The following MTX2 variants were observed in gnomAD, a reference collection of about 807,000 sequenced individuals.
MTX2 encodes metaxin-2.
MTX2 carries 35 observed loss-of-function variants against 42.3 expected under a neutral mutation model. The ratio of observed to expected loss-of-function variants is 0.83; its 90% CI spans 0.63 to 1.10. MTX2 has a LOEUF of 1.10. Ranked by LOEUF, MTX2 falls within the 50% of genes least tolerant of loss-of-function variation. The pLI is 0.00. For missense variants in MTX2, 307 were observed against 304.1 expected (o/e 1.01, Z -0.07); for synonymous variants, 119 against 100.9 (o/e 1.18, Z -1.08).
chr2:176,329,509 A>AAC (rs1553475526), intron 8 of MTX2, 83 bp downstream of exon 8: 1 of 1,286,836 alleles, frequency 7.8e-7, no homozygotes, highest in Non-Finnish European at 1.0e-6. Context: ...CCTTTAAAAA[A>AAC]ATATATATAA....
intron 3 of MTX2, among the ~76,000 whole-genome samples, chr2:176,316,055 G>C (rs1025574758): frequency 9.2e-5 from 14 of 152,272 alleles, no homozygotes; most frequent in African/African-American, 3.4e-4. Context: ...GCTTGTCCCA[G>C]TAGCTAGGAC....
chr2:176,334,241 G>T (rs1163569629), intron 9 of MTX2, among the ~76,000 whole-genome samples: 2 of 151,674 alleles, frequency 1.3e-5, no homozygotes, highest in Admixed American at 6.6e-5. Context: ...ATTAATAAAG[G>T]GTGCCCATCT....
In MTX2 at chr2:176,313,388, C is replaced by CTTTTTTTTTTT. The variant is rs1207416607; in HGVS notation, c.136-9993_136-9983dup. Among the ~76,000 whole-genome samples, 22 of 103,492 alleles carry CTTTTTTTTTTT rather than the reference C, an allele frequency of 2.1e-4. 1 individual carries two copies. The highest frequency in any genetic ancestry group is 7.9e-4 in the African/African-American group (20 of 25,362). The allele number at this position is 103,492 out of a possible 152,430, so 67.9% of individuals were successfully genotyped here. On this transcript the variant is annotated intron_variant, in intron 3 of 9. Transcript: ENST00000249442. The stretch of plus-strand genomic sequence containing the variant: ...AACTTCTTATTGTTCTACACTGATT[C>CTTTTTTTTTTT]TTTTTTTTTTTTTTTTTTTTTGGAG...
chr2:176,273,741 T>TC (rs1000689957), intron 1 of MTX2, among the ~76,000 whole-genome samples: 26 of 152,202 alleles, frequency 1.7e-4, no homozygotes, highest in Non-Finnish European at 1.3e-4. Context: ...ACTTATTCTG[T>TC]CCATTTCTAC....
chr2:176,292,383 C>T (rs1693349226), intron 1 of MTX2, among the ~76,000 whole-genome samples: 1 of 152,004 alleles, frequency 6.6e-6, no homozygotes, highest in South Asian at 2.1e-4. Flanking sequence ...TTTAAAATGC[C>T]ACAGATTTTT....
Position 176,329,347 on chromosome 2 carries a change from A to G in MTX2, c.464A>G (p.His155Arg), listed in dbSNP as rs1558944812. ...TCTCCTTACCCTTGGCCTCTGAATC[A>G]TATTTTGGCCTATCAAAAACAGTGG... ...YGSPYPWPLN[H>R]ILAYQKQWEV... Residue 155 changes from histidine (H) to arginine (R), a missense_variant, in exon 8 of 10, where the codon CAT becomes CGT. By Grantham distance (29) the His-to-Arg change is conservative. Transcript: ENST00000249442. 4 of 1,608,074 alleles carry G rather than the reference A, an allele frequency of 2.5e-6. No individual in the cohort carries two copies. The highest frequency in any genetic ancestry group is 2.2e-5 in the East Asian group (1 of 44,644).
intron 1 of MTX2, among the ~76,000 whole-genome samples, chr2:176,275,951 C>G (rs548348442): frequency 3.8e-4 from 58 of 152,316 alleles, no homozygotes; most frequent in African/African-American, 1.3e-3. Context: ...TTTACACTTT[C>G]TATGGATTTT....
intron 3 of MTX2, among the ~76,000 whole-genome samples, chr2:176,314,221 A>AG: frequency 1.3e-5 from 2 of 152,174 alleles, no homozygotes; most frequent in East Asian, 3.9e-4. Context: ...AGATCACTTG[A>AG]GGCCAGGAGT....
chr2:176,280,845 G>T (rs1194863735), intron 1 of MTX2, among the ~76,000 whole-genome samples: 1 of 152,196 alleles, frequency 6.6e-6, no homozygotes, highest in East Asian at 1.9e-4. Flanking sequence ...AGGAAAAGAG[G>T]TAATGAACCA....
At chr2:176,324,753 G>A (rs917807799) in intron 4 of MTX2, among the ~76,000 whole-genome samples, 2 of 151,652 alleles carry the variant, frequency 1.3e-5, no homozygotes, top group South Asian at 2.1e-4. Context: ...TAGATTGCGC[G>A]AAAGACAAAC....
chr2:176,302,936 T>G (rs1367751649), intron 3 of MTX2, among the ~76,000 whole-genome samples: 2 of 152,178 alleles, frequency 1.3e-5, no homozygotes, highest in Admixed American at 1.3e-4. Flanking sequence ...ATATCTGTCT[T>G]TCTTTTGAGG....
intron 1 of MTX2, among the ~76,000 whole-genome samples, chr2:176,288,929 G>T (rs969827155): frequency 6.6e-6 from 1 of 151,720 alleles, no homozygotes; most frequent in Non-Finnish European, 1.5e-5. Context: ...TTAGGTCATA[G>T]CACTTTCATA....
intron 1 of MTX2, among the ~76,000 whole-genome samples, chr2:176,290,048 A>G (rs1186883317): frequency 6.6e-6 from 1 of 152,142 alleles, no homozygotes; most frequent in South Asian, 2.1e-4. Flanking sequence ...GCAGACTGCT[A>G]TGGACAGTAT....
At chr2:176,334,918 A>G (rs544793955) in intron 9 of MTX2, among the ~76,000 whole-genome samples, 6 of 152,066 alleles carry the variant, frequency 3.9e-5, no homozygotes, top group Admixed American at 1.3e-4. Context: ...GGTTCATTCA[A>G]CACAAATTTA....
chr2:176,331,476 A>G (rs561788345), intron 9 of MTX2, among the ~76,000 whole-genome samples: 2 of 151,316 alleles, frequency 1.3e-5, no homozygotes, highest in South Asian at 4.1e-4. Flanking sequence ...TTATATCGTC[A>G]TAAGCATTCC....
At chr2:176,281,733 A>G (rs1459882159) in intron 1 of MTX2, among the ~76,000 whole-genome samples, 1 of 152,136 alleles carries the variant, frequency 6.6e-6, no homozygotes. Flanking sequence ...CCGAGAAGGC[A>G]CACACATGAC....
At position 176,304,262 on chromosome 2, in the gene MTX2, C is replaced by T. The variant is rs1481402445; in HGVS notation, c.135+6367C>T. 8 of 154,318 alleles carry T rather than the reference C, an allele frequency of 5.2e-5. No homozygotes were observed. In the Admixed American group the frequency reaches 5.2e-4, roughly 10 times the overall value. The allele number at this position is 154,318 out of a possible 1,614,324, so 9.6% of individuals were successfully genotyped here. A position where few individuals can be genotyped will look rare whatever the true frequency, so the allele number is the denominator to read the frequency against. The stretch of plus-strand genomic sequence containing the variant: ...TTAGTGAATCTATTCTTTGAACATT[C>T]TACAACAAGAATTACATTATACTGT... On this transcript the variant is annotated intron_variant, in intron 3 of 9. Coordinates refer to ENST00000249442, the MANE Select transcript of MTX2 (RefSeq NM_006554.5).
At chr2:176,271,336 A>G (rs1016561713) in intron 1 of MTX2, among the ~76,000 whole-genome samples, 2 of 152,226 alleles carry the variant, frequency 1.3e-5, no homozygotes, top group African/African-American at 2.4e-5. Context: ...TAATCCTTGG[A>G]TAGCAGAAGA....
rs1242166144 is a variant in MTX2 at position 176,330,566 on chromosome 2, G to T, written c.544-18G>T. The T allele has an allele frequency of 2.6e-6, 4 of 1,520,654 alleles. No homozygotes were observed. The highest frequency in any genetic ancestry group is 1.9e-5 in the Admixed American group (1 of 53,052). The allele number at this position is 1,520,654 out of a possible 1,614,324, so 94.2% of individuals were successfully genotyped here. On this transcript the variant is annotated intron_variant, in intron 8 of 9. Coordinates refer to ENST00000249442, the MANE Select transcript of MTX2 (RefSeq NM_006554.5). ...GCTAATTGAAATACTTTTCCTTGGG[G>T]TTCATTGCCTGTGTTAGGTCTTAGA...
Sources: gnomAD v4.1 joint callset for allele counts (sites outside exome capture counted in the v4.1 genomes callset) on GRCh38, gnomAD v4.1.1 for gene constraint, MANE v1.5 for transcripts, NCBI Gene and HGNC (gene_info 2026-07-23, HGNC 2026-07-21) for gene names.